JAK2: variants seen among roughly 807,000 people sequenced by gnomAD.
The protein encoded by JAK2 is Janus kinase 2.
JAK2 carries 86 observed loss-of-function variants against 139.3 expected under a neutral mutation model. That is an observed-to-expected ratio of 0.62 (90% CI 0.52 to 0.74). The LOEUF (loss-of-function observed/expected upper bound fraction) is 0.74, where lower values mean the gene tolerates loss of function less well. Among genes scored for constraint, JAK2 ranks in the 30% least tolerant of loss-of-function variants. The probability of loss-of-function intolerance (pLI) is 0.00; values close to 1 mark genes in which losing one functional copy is unlikely to be tolerated. For synonymous variants in JAK2, 490 were observed against 437.7 expected (o/e 1.12, Z -1.49); for missense variants, 1,421 against 1,360.3 (o/e 1.04, Z -0.70).
At chr9:5,098,328 C>T (rs527944529) in intron 22 of JAK2, 7 of 152,174 alleles carry the variant, frequency 4.6e-5, no homozygotes, top group Non-Finnish European at 8.8e-5. Flanking sequence ...TAGGCTAAAT[C>T]CTATATGTCT....
chr9:5,107,569 T>C (rs1428602343), intron 22 of JAK2, among the ~76,000 whole-genome samples: 2 of 152,148 alleles, frequency 1.3e-5, no homozygotes, highest in African/African-American at 2.4e-5. Flanking sequence ...TTGAATTGAA[T>C]TGGTAAATAG....
chr9:5,108,154 C>G (rs950385433), intron 22 of JAK2: 2 of 152,060 alleles, frequency 1.3e-5, no homozygotes, highest in East Asian at 1.9e-4. Context: ...ATAATCCTAG[C>G]AAGCCAATAT....
At chr9:5,073,592 G>C in intron 13 of JAK2, 106 bp from the exon 14 acceptor site, 2 of 830,766 alleles carry the variant, frequency 2.4e-6, no homozygotes, top group Non-Finnish European at 2.0e-6. Context: ...CTATAGTCAT[G>C]CTGAAAGTAG....
At chr9:5,010,375 G>A (rs1463088261) in intron 2 of JAK2, among the ~76,000 whole-genome samples, 1 of 131,696 alleles carries the variant, frequency 7.6e-6, no homozygotes, top group Non-Finnish European at 1.6e-5. Flanking sequence ...CCAGGCTGGA[G>A]TGCAGTAAAC....
intron 4 of JAK2, chr9:5,041,189 C>T: frequency 7.1e-7 from 1 of 1,398,684 alleles, no homozygotes; most frequent in Non-Finnish European, 1.0e-6. Flanking sequence ...CCTCATTTAC[C>T]AGGACGTGAA....
At chr9:4,995,175 T>A (rs995174527) in intron 2 of JAK2, among the ~76,000 whole-genome samples, 1 of 152,214 alleles carries the variant, frequency 6.6e-6, no homozygotes, top group Non-Finnish European at 1.5e-5. Flanking sequence ...ATTCTCCTTT[T>A]TTAGGGAACT....
intron 19 of JAK2, chr9:5,085,675 C>A: frequency 1.4e-6 from 1 of 733,814 alleles, no homozygotes; most frequent in Non-Finnish European, 2.5e-6. Flanking sequence ...CGAGAACGTG[C>A]ATTATCAATA....
chr9:5,073,671 A>G (rs780317040), intron 13 of JAK2, 27 bp from the exon 14 acceptor site: 2 of 1,543,954 alleles, frequency 1.3e-6, no homozygotes, highest in African/African-American at 1.4e-5. Context: ...TCAAACAACA[A>G]TTCTTTGTAC....
intron 2 of JAK2, among the ~76,000 whole-genome samples, chr9:4,987,357 G>A (rs1820005471): frequency 6.6e-6 from 1 of 152,308 alleles, no homozygotes; most frequent in South Asian, 2.1e-4. Context: ...TGAAAGGTGG[G>A]ATGCTTTTGA....
At chr9:5,047,215 T>C (rs1817069067) in intron 5 of JAK2, among the ~76,000 whole-genome samples, 1 of 152,246 alleles carries the variant, frequency 6.6e-6, no homozygotes, top group Admixed American at 6.5e-5. Flanking sequence ...ATGCATGTTG[T>C]AGACTATATA....
chr9:5,108,300 C>G (rs1157458459), intron 22 of JAK2: 1 of 152,070 alleles, frequency 6.6e-6, no homozygotes, highest in Non-Finnish European at 1.5e-5. Context: ...CACACTAATT[C>G]CTACCCTAAT....
chr9:5,032,930 A>G lies in JAK2; in HGVS notation c.350+3024A>G, dbSNP rs1823278122. ...TGACAAGTTGAGAGAAGAAGGCTTC[A>G]GACGATCAAACTACTCCAAGCTAAA... On this transcript the variant is annotated intron_variant, in intron 4 of 24. Coordinates refer to ENST00000381652, the MANE Select transcript of JAK2 (RefSeq NM_004972.4). 1.3e-5 allele frequency among the ~76,000 whole-genome samples: 2 copies of G among 152,252 alleles called. 1 individual carries two copies. Among genetic ancestry groups the G allele is most frequent in the Non-Finnish European group, 2.9e-5 (2 of 68,036 alleles).
In JAK2 at chr9:5,126,482, TTTTC is replaced by T. The variant is rs1483302033; in HGVS notation, c.3291+40_3291+43del. 2.1e-6 allele frequency: 3 copies of T among 1,404,790 alleles called. No homozygotes were observed. The Admixed American group carries it at 5.5e-5, about 26-fold the overall frequency. The allele number at this position is 1,404,790 out of a possible 1,614,324, so 87.0% of individuals were successfully genotyped here. On this transcript the variant is annotated intron_variant, in intron 24 of 24. Transcript: ENST00000381652. ...TTTTTTAATCCAGGGTAGTCATGCA[TTTTC>T]TTTTACTTTTTACTCAAGGACTTCA...
At chr9:5,078,788 A>C (rs1347313960) in intron 16 of JAK2, among the ~76,000 whole-genome samples, 1 of 152,156 alleles carries the variant, frequency 6.6e-6, no homozygotes, top group East Asian at 1.9e-4. Context: ...TCACTAAATA[A>C]AAATTTAGCC....
At chr9:5,008,984 T>C (rs1232935437) in intron 2 of JAK2, among the ~76,000 whole-genome samples, 1 of 152,212 alleles carries the variant, frequency 6.6e-6, no homozygotes, top group East Asian at 1.9e-4. Flanking sequence ...ATTATGAGTT[T>C]GATCCTTTGA....
intron 2 of JAK2, among the ~76,000 whole-genome samples, chr9:5,014,332 G>A (rs10974914): frequency 0.34 from 51,403 of 151,676 alleles, 9,411 homozygotes; most frequent in African/African-American, 0.49. Context: ...CAACAGATTT[G>A]TTAATCAACA....
At chr9:5,037,777 A>G (rs950402293) in intron 4 of JAK2, among the ~76,000 whole-genome samples, 22 of 152,218 alleles carry the variant, frequency 1.4e-4, no homozygotes, top group Non-Finnish European at 4.4e-5. Context: ...TACTGGGTGC[A>G]GCACACCAAC....
At chr9:5,082,959 T>C (rs530029842) in intron 19 of JAK2, among the ~76,000 whole-genome samples, 4 of 152,360 alleles carry the variant, frequency 2.6e-5, no homozygotes, top group South Asian at 2.1e-4. Context: ...CTTTTCTACA[T>C]AGACACAGTA....
intron 14 of JAK2, among the ~76,000 whole-genome samples, chr9:5,076,523 T>G (rs1819319035): frequency 6.6e-6 from 1 of 152,134 alleles, no homozygotes; most frequent in South Asian, 2.1e-4. Context: ...AAAGATATAT[T>G]CTTTGTTTTT....
Sources: gnomAD v4.1 joint callset for allele counts (sites outside exome capture counted in the v4.1 genomes callset) on GRCh38, gnomAD v4.1.1 for gene constraint, MANE v1.5 for transcripts, NCBI Gene and HGNC (gene_info 2026-07-23, HGNC 2026-07-21) for gene names.